LRATD1: variants seen among roughly 807,000 people sequenced by gnomAD.
The protein encoded by LRATD1 is protein LRATD1.
LRATD1 carries 8 observed loss-of-function variants against 21.3 expected under a neutral mutation model. The observed-to-expected ratio is 0.38, with a 90% CI of 0.22 to 0.68. The LOEUF is 0.68. Among genes scored for constraint, LRATD1 ranks in the 30% least tolerant of loss-of-function variants. The pLI is 0.54. For synonymous variants in LRATD1, 210 were observed against 186.2 expected (o/e 1.13, Z -1.04); for missense variants, 380 against 404.0 (o/e 0.94, Z 0.51).
chr2:14,635,806 G>T lies in LRATD1; in HGVS notation c.*948G>T, dbSNP rs1283206655. 5.3e-6 allele frequency: 2 copies of T among 375,192 alleles called. No individual in the cohort carries two copies. Among genetic ancestry groups the T allele is most frequent in the Non-Finnish European group, 1.1e-5 (2 of 182,506 alleles). 23.2% of individuals were successfully genotyped at this position (375,192 alleles called of 1,614,324 possible). A position where few individuals can be genotyped will look rare whatever the true frequency, so the allele number is the denominator to read the frequency against. On this transcript the variant is annotated 3_prime_UTR_variant, in exon 2 of 2. Transcript: ENST00000295092. Reference sequence around the variant, plus strand: ...TATTTTTAAAGGAGTTGGAGGAGAGGGAGGGGGAGGACATGGCACCATTCC... The same window carrying T: ...TATTTTTAAAGGAGTTGGAGGAGAGTGAGGGGGAGGACATGGCACCATTCC...
rs1277855080 is a variant in LRATD1 at position 14,633,029 on chromosome 2, G to C, written c.-37+92G>C. The C allele has an allele frequency of 6.6e-6, 1 of 152,344 alleles. No individual in the cohort carries two copies. The highest frequency in any genetic ancestry group is 2.4e-5 in the African/African-American group (1 of 41,416). 9.4% of individuals were successfully genotyped at this position (152,344 alleles called of 1,614,324 possible). On this transcript the variant is annotated intron_variant, in intron 1 of 1. Coordinates refer to ENST00000295092, the MANE Select transcript of LRATD1 (RefSeq NM_145175.4). The surrounding 1 kb of genome is among the most constrained non-coding windows in gnomAD (Gnocchi z 7.5). ...CTGGGTAGGAGGGAGAGGGGTCTTT[G>C]GGCTAAAAGTGAACCTCTCTACACA...
At chr2:14,647,987 C>G (rs934286794) in intron 4 of LRATD1, among the ~76,000 whole-genome samples, 4 of 152,150 alleles carry the variant, frequency 2.6e-5, no homozygotes, top group African/African-American at 9.7e-5. Flanking sequence ...TCTATGTTCA[C>G]TGCTTTTAAG....
downstream of LRATD1, chr2:14,642,185 A>G (rs1488609506): frequency 1.3e-5 from 2 of 152,684 alleles, no homozygotes; most frequent in African/African-American, 4.8e-5. Context: ...AGAATCATAC[A>G]GTAGAAATTT....
chr2:14,641,376 C>G (rs1161011304), downstream of LRATD1, among the ~76,000 whole-genome samples: 2 of 151,914 alleles, frequency 1.3e-5, no homozygotes, highest in East Asian at 3.9e-4. Flanking sequence ...TTCTTGTACT[C>G]TCTTGATTCT....
At chr2:14,647,324 T>C (rs1031796245) in intron 4 of LRATD1, among the ~76,000 whole-genome samples, 8 of 152,162 alleles carry the variant, frequency 5.3e-5, no homozygotes, top group Admixed American at 3.9e-4. Context: ...TTACTTATTT[T>C]TTAACCCCCT....
rs1269249916 is a variant in LRATD1 at position 14,635,366 on chromosome 2, A to C, written c.*508A>C. On this transcript the variant is annotated 3_prime_UTR_variant, in exon 2 of 2. Transcript: ENST00000295092. ...GTCCCCAGATCGCAGGATTTCCAAG[A>C]AATCGAGCCTGTCCCTTGTGCACTT... 1 of 474,336 alleles carries C rather than the reference A, an allele frequency of 2.1e-6. No individual in the cohort carries two copies. The highest frequency in any genetic ancestry group is 2.3e-5 in the Admixed American group (1 of 42,648). 29.4% of individuals were successfully genotyped at this position (474,336 alleles called of 1,614,324 possible). A position where few individuals can be genotyped will look rare whatever the true frequency, so the allele number is the denominator to read the frequency against.
rs1381249117 is a variant in LRATD1 at position 14,632,725 on chromosome 2, G to C, written c.-249G>C. The stretch of plus-strand genomic sequence containing the variant: ...GTCGGCGCGGCGGTGGGAAAGCAGA[G>C]CCGAGCCGGGACTGTCCAGTGGGAG... On this transcript the variant is annotated 5_prime_UTR_variant, in exon 1 of 2. Transcript: ENST00000295092. 1 of 152,178 alleles carries C rather than the reference G, an allele frequency of 6.6e-6. No homozygotes were observed. The highest frequency in any genetic ancestry group is 6.5e-5 in the Admixed American group (1 of 15,288). The allele number at this position is 152,178 out of a possible 1,614,324, so 9.4% of individuals were successfully genotyped here.
In LRATD1 at chr2:14,633,894, A is replaced by T; in HGVS notation, c.-36-50A>T. 6.7e-7 allele frequency: 1 copy of T among 1,496,730 alleles called. No homozygotes were observed. The highest frequency in any genetic ancestry group is 9.0e-7 in the Non-Finnish European group (1 of 1,112,658). 92.7% of individuals were successfully genotyped at this position (1,496,730 alleles called of 1,614,324 possible). The stretch of plus-strand genomic sequence containing the variant: ...GCACGTCTTGGGGAGGGACACCGAA[A>T]GGGGCAGCCCGGACTCTGACGGTGT... On this transcript the variant is annotated intron_variant, in intron 1 of 1. Coordinates refer to ENST00000295092, the MANE Select transcript of LRATD1 (RefSeq NM_145175.4). The surrounding 1 kb of genome is among the most constrained non-coding windows in gnomAD (Gnocchi z 7.5).
downstream of LRATD1, among the ~76,000 whole-genome samples, chr2:14,640,281 T>C (rs1671786844): frequency 6.6e-6 from 1 of 152,240 alleles, no homozygotes; most frequent in East Asian, 1.9e-4. Context: ...TTAGATTTGA[T>C]GGAGTTTGGT....
intron 4 of LRATD1, among the ~76,000 whole-genome samples, chr2:14,646,722 C>T (rs1219690863): frequency 2.0e-5 from 3 of 152,120 alleles, no homozygotes; most frequent in Admixed American, 2.0e-4. Context: ...AGGGTAATGA[C>T]ATGAGACAGG....
chr2:14,643,300 AC>A (rs1046887733), downstream of LRATD1, among the ~76,000 whole-genome samples: 7 of 152,338 alleles, frequency 4.6e-5, no homozygotes, highest in Admixed American at 4.6e-4. Flanking sequence ...TTATAGGCCA[AC>A]AAAACAAAGG....
downstream of LRATD1, among the ~76,000 whole-genome samples, chr2:14,640,452 T>C (rs1460244800): frequency 6.6e-6 from 1 of 152,188 alleles, no homozygotes; most frequent in Non-Finnish European, 1.5e-5. Context: ...ATAGAGTCAG[T>C]GTCCTAAATT....
chr2:14,634,141 C>G lies in LRATD1; in HGVS notation c.162C>G (p.Gly54=). Residue 54 remains glycine, a synonymous_variant, in exon 2 of 2, where the codon GGC becomes GGG. Transcript: ENST00000295092. ...AACGCGGGCAGCCCGACAAGTTTGGCGTGAAGGCCCCCCCGGGTTGCACCC... is the reference window on the plus strand; with the variant it reads ...AACGCGGGCAGCCCGACAAGTTTGGGGTGAAGGCCCCCCCGGGTTGCACCC... ...LDERGQPDKF[G]VKAPPGCTPC... 6.2e-7 allele frequency: 1 copy of G among 1,614,052 alleles called. No homozygotes were observed. The highest frequency in any genetic ancestry group is 2.2e-5 in the East Asian group (1 of 44,856).
At chr2:14,651,111 G>A (rs1671998925), downstream of LRATD1, among the ~76,000 whole-genome samples, 1 of 151,870 alleles carries the variant, frequency 6.6e-6, no homozygotes, top group South Asian at 2.1e-4. Context: ...CTCTTTATTT[G>A]TACATGGTCA....
chr2:14,645,801 G>C lies in LRATD1; in HGVS notation n.259-303G>C, dbSNP rs1008540451. Among the ~76,000 whole-genome samples, 4 of 152,160 alleles carry C rather than the reference G, an allele frequency of 2.6e-5. 1 individual carries two copies. The East Asian group carries it at 7.7e-4, about 29-fold the overall frequency. On this transcript the variant is annotated intron_variant and non_coding_transcript_variant, in intron 2 of 5. Coordinates refer to the LRATD1 transcript ENST00000464947. Reference sequence around the variant, plus strand: ...TGCTTATAAAGATGAAATAACGCAAGGAGGCAACTAAGTCTACAACATCAG... The same window carrying C: ...TGCTTATAAAGATGAAATAACGCAACGAGGCAACTAAGTCTACAACATCAG...
In LRATD1 at chr2:14,635,151, G is replaced by A. The variant is rs1039310264; in HGVS notation, c.*293G>A. 11 of 677,822 alleles carry A rather than the reference G, an allele frequency of 1.6e-5. No individual in the cohort carries two copies. Among genetic ancestry groups the A allele is most frequent in the African/African-American group, 1.1e-4 (6 of 56,388 alleles). 42.0% of individuals were successfully genotyped at this position (677,822 alleles called of 1,614,324 possible). On this transcript the variant is annotated 3_prime_UTR_variant, in exon 2 of 2. Coordinates refer to ENST00000295092, the MANE Select transcript of LRATD1 (RefSeq NM_145175.4). The stretch of plus-strand genomic sequence containing the variant: ...CGCTTTCCCCTTGAGATGTAAACCG[G>A]GAACGGGGAAGGGGCTGAGGGGAGA...
At chr2:14,641,281 G>T (rs1332678303), downstream of LRATD1, among the ~76,000 whole-genome samples, 1 of 152,130 alleles carries the variant, frequency 6.6e-6, no homozygotes, top group Non-Finnish European at 1.5e-5. Context: ...CATAGTGCAG[G>T]AGAAGCCTCA....
chr2:14,634,967 C>CCG lies in LRATD1; in HGVS notation c.*109_*110insCG. 1 of 1,382,672 alleles carries CCG rather than the reference C, an allele frequency of 7.2e-7. No homozygotes were observed. The highest frequency in any genetic ancestry group is 9.7e-7 in the Non-Finnish European group (1 of 1,027,696). 85.7% of individuals were successfully genotyped at this position (1,382,672 alleles called of 1,614,324 possible). On this transcript the variant is annotated 3_prime_UTR_variant, in exon 2 of 2. Transcript: ENST00000295092. ...TCTCAACCTCTGCCCCGCCCCGCCA[C>CCG]GCGCGTCCGCCGCCGGTGGCCCGGG...
At chr2:14,645,843 A>T (rs1459189121) in intron 2 of LRATD1, among the ~76,000 whole-genome samples, 1 of 152,190 alleles carries the variant, frequency 6.6e-6, no homozygotes, top group Non-Finnish European at 1.5e-5. Context: ...AATTATTGAC[A>T]TTTGCTCAGA....
Sources: allele counts gnomAD v4.1 joint callset (sites outside exome capture counted in the v4.1 genomes callset), GRCh38; gene constraint gnomAD v4.1.1; non-coding constraint Gnocchi (gnomAD v3.1); transcripts MANE v1.5; gene names NCBI Gene and HGNC (gene_info 2026-07-23, HGNC 2026-07-21).